The following MICAL2 variants were observed in gnomAD, a reference collection of about 807,000 sequenced individuals.
MICAL2 encodes the protein microtubule associated monooxygenase, calponin and LIM domain containing 2, also known as [F-actin]-monooxygenase MICAL2.
Under a neutral mutation model 127.3 loss-of-function variants are expected in MICAL2, and 77 were observed. The observed-to-expected ratio is 0.60, with a 90% confidence interval of 0.50 to 0.73. The LOEUF (loss-of-function observed/expected upper bound fraction) is 0.73, where lower values mean the gene tolerates loss of function less well. Among genes scored for constraint, MICAL2 ranks in the 30% least tolerant of loss-of-function variants. The pLI, the probability that MICAL2 is intolerant of heterozygous loss-of-function variation, is 0.00. For missense variants in MICAL2, 1,351 were observed against 1,434.4 expected (o/e 0.94, Z 0.94); for synonymous variants, 570 against 551.1 (o/e 1.03, Z -0.48).
At chr11:12,112,577 T>C (rs1849692427) in intron 1 of MICAL2, among the ~76,000 whole-genome samples, 1 of 151,884 alleles carries the variant, frequency 6.6e-6, no homozygotes. Context: ...TGGGGTGTAG[T>C]GTTATGGTTG....
Position 12,249,234 on chromosome 11 carries a change from A to T in MICAL2, c.2835A>T (p.Thr945=), listed in dbSNP as rs145479252. 5.4e-4 allele frequency: 862 copies of T among 1,594,380 alleles called. No homozygotes were observed. The highest frequency in any genetic ancestry group is 6.9e-4 in the Non-Finnish European group (803 of 1,162,214). The change falls in exon 22 of 28, where the codon ACA becomes ACT. Residue 945 remains threonine (T), a synonymous_variant. Coordinates refer to ENST00000683283, the MANE Select transcript of MICAL2 (RefSeq NM_001282663.2). The part of the protein sequence containing the change: ...GFHFHPSHLR[T]VHPQLTVGKV... ...ATTTTCATCCCAGCCATTTGAGAAC[A>T]GTGCATCCTCAGGTGAGTTAGAGCC...
At chr11:12,175,350 C>T (rs565643508) in intron 3 of MICAL2, among the ~76,000 whole-genome samples, 1 of 152,112 alleles carries the variant, frequency 6.6e-6, no homozygotes, top group African/African-American at 2.4e-5. Flanking sequence ...GTGGTGGGTG[C>T]CTGTAATCCC....
intron 3 of MICAL2, among the ~76,000 whole-genome samples, chr11:12,194,855 A>G (rs1381048678): frequency 6.6e-6 from 1 of 152,236 alleles, no homozygotes; most frequent in Non-Finnish European, 1.5e-5. Context: ...TATAAAAAGA[A>G]AATATATTGT....
chr11:12,147,074 C>T (rs11022207), intron 2 of MICAL2, among the ~76,000 whole-genome samples: 70,807 of 150,102 alleles, frequency 0.47, 17,395 homozygotes, highest in South Asian at 0.67. Flanking sequence ...GTGGGGGGAG[C>T]AGGGAAGGAT....
chr11:12,167,096 C>G (rs909279628), intron 3 of MICAL2, among the ~76,000 whole-genome samples: 1 of 151,996 alleles, frequency 6.6e-6, no homozygotes, highest in Admixed American at 6.6e-5. Flanking sequence ...ACAATGAGCC[C>G]CTGATTCCCA....
At chr11:12,197,574 C>G (rs1281985130) in intron 3 of MICAL2, 6 of 152,266 alleles carry the variant, frequency 3.9e-5, no homozygotes, top group African/African-American at 1.4e-4. Context: ...GACTCTGCTG[C>G]TGGCAGGGGT....
chr11:12,256,850 A>G lies in MICAL2; in HGVS notation c.3021A>G (p.Lys1007=), dbSNP rs999936230. 2.5e-6 allele frequency: 4 copies of G among 1,614,032 alleles called. No individual in the cohort carries two copies. The highest frequency in any genetic ancestry group is 2.7e-5 in the African/African-American group (2 of 74,946). ...GCGACACGTGTTACTTCTGTAAGAA[A>G]CGTGTGTACGTGATGGAACGGCTGA... ...GGSDTCYFCK[K]RVYVMERLSA... is the part of the protein sequence containing the mutation. The change falls in exon 24 of 28, where the codon AAA becomes AAG. Residue 1007 remains lysine (K), a synonymous_variant. Transcript: ENST00000683283.
chr11:12,334,211 G>T (rs1000964928), intron 32 of MICAL2, among the ~76,000 whole-genome samples: 1 of 152,136 alleles, frequency 6.6e-6, no homozygotes, highest in African/African-American at 2.4e-5. Context: ...ACCAAAATTT[G>T]AGGATGCTCA....
chr11:12,290,319 C>A (rs1863881170), downstream of MICAL2, among the ~76,000 whole-genome samples: 1 of 152,110 alleles, frequency 6.6e-6, no homozygotes, highest in Non-Finnish European at 1.5e-5. Flanking sequence ...TGGGTCATGA[C>A]CTCGTGAGAC....
At chr11:12,261,409 G>A (rs1309522205) in intron 26 of MICAL2, 12 of 985,486 alleles carry the variant, frequency 1.2e-5, no homozygotes, top group Non-Finnish European at 1.4e-5. Flanking sequence ...TGAGCATGCA[G>A]GTCCACCTGT....
intron 3 of MICAL2, among the ~76,000 whole-genome samples, chr11:12,175,585 C>CTGTGTG (rs71313462): frequency 0.072 from 10,843 of 149,782 alleles, 425 homozygotes; most frequent in Admixed American, 0.13. Flanking sequence ...TGTGGGGAGT[C>CTGTGTG]TGTGTGTGTG....
intron 3 of MICAL2, among the ~76,000 whole-genome samples, chr11:12,181,080 A>T (rs1857420933): frequency 6.6e-6 from 1 of 151,962 alleles, no homozygotes; most frequent in African/African-American, 2.4e-5. Context: ...AATAGCTGGG[A>T]TTATAGGCAC....
At chr11:12,168,606 C>T (rs936158409) in intron 3 of MICAL2, among the ~76,000 whole-genome samples, 4 of 151,166 alleles carry the variant, frequency 2.6e-5, no homozygotes, top group African/African-American at 9.7e-5. Context: ...ATATTTCTGC[C>T]CCCATACTTA....
At chr11:12,315,938 G>C (rs1185904677) in intron 29 of MICAL2, among the ~76,000 whole-genome samples, 1 of 152,058 alleles carries the variant, frequency 6.6e-6, no homozygotes, top group Non-Finnish European at 1.5e-5. Context: ...AATTAATCAA[G>C]CACGTCTGTA....
At chr11:12,275,295 A>G (rs1177725703), upstream of MICAL2, among the ~76,000 whole-genome samples, 1 of 152,232 alleles carries the variant, frequency 6.6e-6, no homozygotes, top group East Asian at 1.9e-4. Flanking sequence ...AGTGGTCTAT[A>G]TAAGTCTAGA....
At chr11:12,269,873 T>G (rs766164697) in intron 24 of MICAL2, among the ~76,000 whole-genome samples, 8 of 151,634 alleles carry the variant, frequency 5.3e-5, no homozygotes, top group South Asian at 2.1e-4. Context: ...CTGGAAGGAG[T>G]ACAGCAAGGC....
intron 3 of MICAL2, among the ~76,000 whole-genome samples, chr11:12,180,344 T>C (rs1857295512): frequency 7.5e-6 from 1 of 132,970 alleles, no homozygotes; most frequent in Non-Finnish European, 1.5e-5. Flanking sequence ...TGTATATATG[T>C]ATATATTTTT....
At chr11:12,297,185 C>T (rs879530326), downstream of MICAL2, among the ~76,000 whole-genome samples, 1 of 152,102 alleles carries the variant, frequency 6.6e-6, no homozygotes, top group Non-Finnish European at 1.5e-5. Flanking sequence ...TATGAGAACT[C>T]GATTTCTACA....
intron 3 of MICAL2, among the ~76,000 whole-genome samples, chr11:12,173,237 T>C (rs1856479469): frequency 6.6e-6 from 1 of 152,186 alleles, no homozygotes; most frequent in African/African-American, 2.4e-5. Context: ...AAATACAGGG[T>C]AGCGAGCTAT....
Sources: allele counts gnomAD v4.1 joint callset (sites outside exome capture counted in the v4.1 genomes callset), GRCh38; gene constraint gnomAD v4.1.1; transcripts MANE v1.5; gene names NCBI Gene and HGNC (gene_info 2026-07-23, HGNC 2026-07-21).